Variants in TASP1 observed in about 807,000 individuals in gnomAD.
TASP1 encodes threonine aspartase 1.
Under a neutral mutation model 56.6 loss-of-function variants are expected in TASP1, and 16 were observed. The ratio of observed to expected loss-of-function variants is 0.28; its 90% confidence interval spans 0.19 to 0.43. The LOEUF (loss-of-function observed/expected upper bound fraction) is 0.43. TASP1 is among the 20% of genes least tolerant of loss of function. The pLI is 1.00. For missense variants in TASP1, 393 were observed against 511.6 expected (o/e 0.77, Z 2.24); for synonymous variants, 179 against 184.2 (o/e 0.97, Z 0.23).
chr20:13,249,533 C>A, the TASP1 span, among the ~76,000 whole-genome samples: 3 of 152,188 alleles, frequency 2.0e-5, no homozygotes, highest in African/African-American at 7.2e-5. Flanking sequence ...CATTTACAAC[C>A]AAATTATACA....
the TASP1 span, among the ~76,000 whole-genome samples, chr20:13,193,715 T>C: frequency 1.4e-4 from 21 of 152,216 alleles, no homozygotes; most frequent in Non-Finnish European, 2.9e-4. Context: ...AGACTACCTC[T>C]CTCTTTTCAT....
the TASP1 span, among the ~76,000 whole-genome samples, chr20:13,236,429 G>A: frequency 2.6e-5 from 4 of 151,994 alleles, no homozygotes; most frequent in South Asian, 2.1e-4. Flanking sequence ...GAAACAATTC[G>A]GTTGAGATTT....
chr20:13,221,707 T>A, the TASP1 span: 1 of 1,276,530 alleles, frequency 7.8e-7, no homozygotes, highest in Admixed American at 3.9e-5. Context: ...CTCCTACTCC[T>A]CCTCCCCCGG....
chr20:13,304,100 A>C, the TASP1 span, among the ~76,000 whole-genome samples: 1 of 152,212 alleles, frequency 6.6e-6, no homozygotes, highest in Non-Finnish European at 1.5e-5. Context: ...CAAAAGGTAG[A>C]AAGCAGGGAG....
the TASP1 span, among the ~76,000 whole-genome samples, chr20:13,356,305 A>G: frequency 6.6e-6 from 1 of 152,242 alleles, no homozygotes; most frequent in African/African-American, 2.4e-5. Context: ...ACAATGAACA[A>G]TAGGAGCAAT....
chr20:13,270,435 G>T, the TASP1 span: 4 of 1,513,326 alleles, frequency 2.6e-6, no homozygotes, highest in African/African-American at 4.2e-5. Context: ...GAATATAATG[G>T]ACTGTTAAGG....
At chr20:13,362,935 T>G in the TASP1 span, among the ~76,000 whole-genome samples, 1 of 151,584 alleles carries the variant, frequency 6.6e-6, no homozygotes, top group African/African-American at 2.4e-5. Context: ...TGTTCTAATA[T>G]TTGGTCTCTG....
At chr20:13,244,323 C>G in the TASP1 span, 1 of 148,306 alleles carries the variant, frequency 6.7e-6, no homozygotes, top group South Asian at 2.1e-4. Flanking sequence ...AAGATGACCA[C>G]AGCTCACATA....
intron 11 of TASP1, among the ~76,000 whole-genome samples, chr20:13,480,618 C>T (rs568769875): frequency 1.6e-4 from 25 of 152,158 alleles, no homozygotes; most frequent in Non-Finnish European, 3.1e-4. Flanking sequence ...TAGAGTTATA[C>T]GAAGCAACAG....
At chr20:13,581,099 G>T in intron 5 of TASP1, 118 bp from the exon 6 acceptor site, 1 of 847,948 alleles carries the variant, frequency 1.2e-6, no homozygotes, top group Non-Finnish European at 1.8e-6. Flanking sequence ...ATTCTTTTTC[G>T]ATATATCAAA....
At chr20:13,379,923 C>T in the TASP1 span, among the ~76,000 whole-genome samples, 9 of 152,264 alleles carry the variant, frequency 5.9e-5, no homozygotes, top group East Asian at 3.9e-4. Context: ...CAGCTCCATC[C>T]GGTCATTTAT....
chr20:13,623,595 A>G (rs1454316317), intron 3 of TASP1, 81 bp from the exon 4 acceptor site: 6 of 1,095,266 alleles, frequency 5.5e-6, no homozygotes, highest in Non-Finnish European at 8.3e-6. Context: ...AGTATGGGAG[A>G]CACTTAGATT....
intron 5 of TASP1, among the ~76,000 whole-genome samples, chr20:13,582,585 A>C (rs2047165835): frequency 6.6e-6 from 1 of 152,200 alleles, no homozygotes; most frequent in Non-Finnish European, 1.5e-5. Flanking sequence ...ATTCTAATTA[A>C]AAAACAGTGG....
the TASP1 span, among the ~76,000 whole-genome samples, chr20:13,246,280 A>C: frequency 6.6e-6 from 1 of 151,998 alleles, no homozygotes; most frequent in Non-Finnish European, 1.5e-5. Context: ...CTCAAAAAAA[A>C]AAAAAAAGCT....
At chr20:13,152,727 A>T in the TASP1 span, among the ~76,000 whole-genome samples, 1 of 152,192 alleles carries the variant, frequency 6.6e-6, no homozygotes, top group Non-Finnish European at 1.5e-5. Context: ...ACCACCTTGT[A>T]GAAAAGAGGA....
chr20:13,583,048 T>C (rs1264496529), intron 5 of TASP1, among the ~76,000 whole-genome samples: 1 of 152,214 alleles, frequency 6.6e-6, no homozygotes, highest in Non-Finnish European at 1.5e-5. Context: ...AGCTCCTGAT[T>C]TGTGCCACAG....
the TASP1 span, among the ~76,000 whole-genome samples, chr20:13,321,255 A>T: frequency 1.8e-3 from 115 of 65,338 alleles, 1 homozygote; most frequent in African/African-American, 4.2e-3. Context: ...GCCCCACATA[A>T]AAAAAAAAAA....
the TASP1 span, chr20:13,299,143 T>C: frequency 6.2e-7 from 1 of 1,612,586 alleles, no homozygotes; most frequent in Non-Finnish European, 8.5e-7. The surrounding 1 kb of genome is among the most constrained non-coding windows in gnomAD (Gnocchi z 5.8). Flanking sequence ...AAGCTGGAGA[T>C]CTACAAGCCC....
In TASP1 at chr20:13,485,075, C is replaced by T. The variant is rs552706594; in HGVS notation, c.875-1738G>A. On this transcript the variant is annotated intron_variant, in intron 10 of 13. Coordinates refer to ENST00000337743, the MANE Select transcript of TASP1 (RefSeq NM_017714.3). ...AGCAAACCACCATGGCACATGTATA[C>T]CTATGTAACAAAACTGCACGTTCTG... Among the ~76,000 whole-genome samples the T allele has an allele frequency of 3.3e-5, 5 of 152,154 alleles. No homozygotes were observed. In the South Asian group the frequency reaches 1.0e-3, roughly 32 times the overall value.
Sources: allele counts gnomAD v4.1 joint callset (sites outside exome capture counted in the v4.1 genomes callset), GRCh38; gene constraint gnomAD v4.1.1; non-coding constraint Gnocchi (gnomAD v3.1); transcripts MANE v1.5; gene names NCBI Gene and HGNC (gene_info 2026-07-23, HGNC 2026-07-21).